Variants in PTTG1IP2 observed in about 807,000 individuals in gnomAD.
PTTG1IP2 encodes PTTG1IP family member 2.
At chr7:90,479,848 C>T (rs718904) in intron 2 of PTTG1IP2, among the ~76,000 whole-genome samples, 3,895 of 152,246 alleles carry the variant, frequency 0.026, 158 homozygotes, top group African/African-American at 0.087. Flanking sequence ...GGATAACAGA[C>T]GATACTAAAA....
At chr7:90,484,189 G>A (rs765559579) in intron 2 of PTTG1IP2, among the ~76,000 whole-genome samples, 17 of 147,552 alleles carry the variant, frequency 1.2e-4, no homozygotes, top group Non-Finnish European at 1.8e-4. Flanking sequence ...TTTTTTCCCC[G>A]AATCTGCTCT....
chr7:90,493,574 C>T lies in PTTG1IP2; in HGVS notation c.452-793C>T, dbSNP rs191735839. 1.2e-4 allele frequency among the ~76,000 whole-genome samples: 18 copies of T among 152,240 alleles called. No homozygotes were observed. In the East Asian group the frequency reaches 2.9e-3, roughly 24 times the overall value. ...GGTATTTATTTAGTTTAGGTAGACA[C>T]GGTTATCTTTACACAGATTGAGAAT... On this transcript the variant is annotated intron_variant, in intron 5 of 6. Transcript: ENST00000509356.
intron 6 of PTTG1IP2, among the ~76,000 whole-genome samples, chr7:90,508,042 G>A (rs968928214): frequency 6.6e-6 from 1 of 152,022 alleles, no homozygotes. Flanking sequence ...TGGATAGCCT[G>A]AGCTCAGGAG....
At chr7:90,489,425 C>T (rs766016417) in intron 4 of PTTG1IP2, among the ~76,000 whole-genome samples, 2 of 151,476 alleles carry the variant, frequency 1.3e-5, no homozygotes, top group Non-Finnish European at 3.0e-5. Context: ...GTTATTAGAT[C>T]TTAAGATTAC....
chr7:90,485,298 C>A (rs1797861432), intron 2 of PTTG1IP2, among the ~76,000 whole-genome samples: 1 of 152,118 alleles, frequency 6.6e-6, no homozygotes, highest in Non-Finnish European at 1.5e-5. Context: ...ATGCTCCTGG[C>A]AAAATAATGC....
chr7:90,471,276 T>G (rs1052746304), intron 1 of PTTG1IP2, among the ~76,000 whole-genome samples: 1 of 152,172 alleles, frequency 6.6e-6, no homozygotes, highest in Non-Finnish European at 1.5e-5. Context: ...CTTCACGAGA[T>G]CCTCATCTAT....
At chr7:90,489,041 A>G (rs1268349365) in intron 4 of PTTG1IP2, 77 bp downstream of exon 4, 1 of 151,864 alleles carries the variant, frequency 6.6e-6, no homozygotes, top group Non-Finnish European at 1.5e-5. Flanking sequence ...AGTCATCAGG[A>G]AATGTTTTGC....
At chr7:90,473,979 TA>T (rs1257018541) in intron 1 of PTTG1IP2, among the ~76,000 whole-genome samples, 3 of 152,240 alleles carry the variant, frequency 2.0e-5, no homozygotes, top group Non-Finnish European at 4.4e-5. Flanking sequence ...AAGTTTTCAG[TA>T]AACATTATGC....
intron 2 of PTTG1IP2, among the ~76,000 whole-genome samples, chr7:90,484,963 T>G (rs1797852290): frequency 2.0e-5 from 3 of 152,172 alleles, no homozygotes; most frequent in African/African-American, 7.2e-5. Flanking sequence ...CTTAAATAGT[T>G]GTAACTCAAA....
chr7:90,503,023 G>A (rs1015924225), intron 6 of PTTG1IP2, among the ~76,000 whole-genome samples: 78 of 152,266 alleles, frequency 5.1e-4, no homozygotes, highest in African/African-American at 1.8e-3. Flanking sequence ...TGTTTATATT[G>A]AGAATCTATT....
intron 6 of PTTG1IP2, among the ~76,000 whole-genome samples, chr7:90,503,533 G>A (rs565956737): frequency 2.6e-5 from 4 of 152,312 alleles, no homozygotes; most frequent in African/African-American, 9.6e-5. Context: ...AGTGAGAGAT[G>A]TGCAACTCTT....
At chr7:90,470,178 C>G (rs1797666241) in intron 1 of PTTG1IP2, 1 of 152,158 alleles carries the variant, frequency 6.6e-6, no homozygotes, top group African/African-American at 2.4e-5. Flanking sequence ...AGCATGGTTT[C>G]TCCCCCATCA....
chr7:90,490,463 G>A (rs1257288838), intron 4 of PTTG1IP2, among the ~76,000 whole-genome samples: 1 of 151,110 alleles, frequency 6.6e-6, no homozygotes, highest in South Asian at 2.1e-4. Flanking sequence ...ATAAGGGTTG[G>A]CCAATGTTCC....
intron 4 of PTTG1IP2, 88 bp downstream of exon 4, chr7:90,489,052 CT>C (rs1272365251): frequency 6.6e-6 from 1 of 151,158 alleles, no homozygotes; most frequent in Admixed American, 6.6e-5. Flanking sequence ...AATGTTTTGC[CT>C]TTTTTATGTA....
intron 6 of PTTG1IP2, among the ~76,000 whole-genome samples, chr7:90,500,235 A>G (rs1328476419): frequency 6.6e-6 from 1 of 152,110 alleles, no homozygotes; most frequent in Admixed American, 6.6e-5. Flanking sequence ...AACAAAACAA[A>G]CAATTCATCC....
intron 2 of PTTG1IP2, among the ~76,000 whole-genome samples, chr7:90,481,275 G>A (rs1797813094): frequency 6.6e-6 from 1 of 152,124 alleles, no homozygotes; most frequent in Admixed American, 6.6e-5. Flanking sequence ...GGCATGCAAT[G>A]CATACACCCT....
At position 90,513,338 on chromosome 7, in the gene PTTG1IP2, T is replaced by A. The variant is rs1230031005; in HGVS notation, c.*111T>A. ...TTTGAGAATGATTGAACTTCCAAAT[T>A]CCCTGAAGTTAAAATTTTAAATTCT... On this transcript the variant is annotated 3_prime_UTR_variant, in exon 7 of 7. Transcript: ENST00000509356. 2.0e-5 allele frequency: 3 copies of A among 152,640 alleles called. No individual in the cohort carries two copies. Among genetic ancestry groups the A allele is most frequent in the Non-Finnish European group, 4.4e-5 (3 of 68,034 alleles). 9.5% of individuals were successfully genotyped at this position (152,640 alleles called of 1,614,324 possible).
intron 6 of PTTG1IP2, among the ~76,000 whole-genome samples, chr7:90,496,079 C>A (rs997818945): frequency 7.9e-5 from 12 of 152,200 alleles, no homozygotes; most frequent in Non-Finnish European, 1.8e-4. Context: ...AAGAATTTTG[C>A]ACCTATATTC....
At chr7:90,478,098 A>G (rs17868706) in intron 1 of PTTG1IP2, among the ~76,000 whole-genome samples, 1 of 130,574 alleles carries the variant, frequency 7.7e-6, no homozygotes, top group Non-Finnish European at 1.5e-5. Context: ...CTCCGTCTCA[A>G]AAAAAAAAAA....
Sources: gnomAD v4.1 joint callset for allele counts (sites outside exome capture counted in the v4.1 genomes callset) on GRCh38, gnomAD v4.1.1 for gene constraint, MANE v1.5 for transcripts, NCBI Gene and HGNC (gene_info 2026-07-23, HGNC 2026-07-21) for gene names.